Variants in TLN2 observed in about 807,000 individuals in gnomAD.
The protein encoded by TLN2 is talin 2.
TLN2 carries 118 observed loss-of-function variants against 294.7 expected under a neutral mutation model. The observed-to-expected ratio is 0.40, with a 90% CI of 0.34 to 0.47. The LOEUF (loss-of-function observed/expected upper bound fraction) is 0.47. Among genes scored for constraint, TLN2 ranks in the 20% least tolerant of loss-of-function variants. TLN2 has a pLI of 0.84. For synonymous variants in TLN2, 1,431 were observed against 1,304.5 expected, an observed-to-expected ratio of 1.10 and a Z score of -2.09; for missense variants, 3,083 against 3,282.2, an observed-to-expected ratio of 0.94 and a Z score of 1.48.
At chr15:62,694,286 T>G (rs1242787243) in intron 13 of TLN2, 30 bp from the exon 14 acceptor site, 2 of 1,612,800 alleles carry the variant, frequency 1.2e-6, no homozygotes. Flanking sequence ...CTGGTTTTCA[T>G]TTTTGCATCT....
chr15:62,575,809 T>G (rs2044342645), intron 1 of TLN2, among the ~76,000 whole-genome samples: 1 of 152,208 alleles, frequency 6.6e-6, no homozygotes, highest in Non-Finnish European at 1.5e-5. Flanking sequence ...GGAAAACCAG[T>G]GGAAAGCAAG....
At chr15:62,754,195 G>A (rs145657792) in intron 36 of TLN2, 8 of 302,144 alleles carry the variant, frequency 2.6e-5, no homozygotes, top group African/African-American at 1.5e-4. Flanking sequence ...TTCAGGGGAC[G>A]TGAATTGAGG....
chr15:62,836,474 T>G (rs1170988406), intron 57 of TLN2, among the ~76,000 whole-genome samples: 1 of 152,218 alleles, frequency 6.6e-6, no homozygotes, highest in African/African-American at 2.4e-5. Flanking sequence ...TGTGAGCAGG[T>G]TGTGAGCCTC....
chr15:62,742,018 TA>T (rs2061357225), intron 32 of TLN2, among the ~76,000 whole-genome samples: 3 of 98,814 alleles, frequency 3.0e-5, no homozygotes, highest in Non-Finnish European at 6.6e-5. Context: ...TCTTGGCTTG[TA>T]GTGGGGTGTG....
intron 11 of TLN2, among the ~76,000 whole-genome samples, chr15:62,676,613 C>G (rs1213025021): frequency 1.3e-5 from 2 of 152,086 alleles, no homozygotes; most frequent in African/African-American, 4.8e-5. Flanking sequence ...ACTACTACTA[C>G]TATCTTCTTT....
rs576913228 is a variant in TLN2, at chr15:62,627,644, G to C, written c.-37+9169G>C. Reference sequence around the variant, plus strand: ...AAGAGCAATACTACATGCAGGCTGAGGGTTTTTTCTCTTAGCCATACTAGA... The same window carrying C: ...AAGAGCAATACTACATGCAGGCTGACGGTTTTTTCTCTTAGCCATACTAGA... On this transcript the variant is annotated intron_variant, in intron 3 of 58. Coordinates refer to ENST00000636159, the MANE Select transcript of TLN2 (RefSeq NM_015059.3). Among the ~76,000 whole-genome samples the C allele has an allele frequency of 2.0e-5, 3 of 152,190 alleles. No individual in the cohort carries two copies. The East Asian group carries it at 5.8e-4, about 29-fold the overall frequency.
At chr15:62,689,068 C>CTCTTTT (rs1370271461) in intron 12 of TLN2, among the ~76,000 whole-genome samples, 1 of 116,638 alleles carries the variant, frequency 8.6e-6, no homozygotes, top group Non-Finnish European at 1.8e-5. Flanking sequence ...TTCTCTCTCT[C>CTCTTTT]TTTTTTTTTT....
chr15:62,739,613 AGACT>A lies in TLN2; in HGVS notation c.3885+75_3885+78del, dbSNP rs1448887829. The A allele has an allele frequency of 3.2e-6, 5 of 1,560,784 alleles. No individual in the cohort carries two copies. In the East Asian group the frequency reaches 1.1e-4, roughly 35 times the overall value. ...CTCTCGGATGGATAATCCATCCTTGAGACTGACTGAACAAATAGGAAAAGGAACC... is the reference window on the plus strand; with the variant it reads ...CTCTCGGATGGATAATCCATCCTTGAGACTGAACAAATAGGAAAAGGAACC... On this transcript the variant is annotated intron_variant, in intron 31 of 58. Coordinates refer to ENST00000636159, the MANE Select transcript of TLN2 (RefSeq NM_015059.3).
chr15:62,530,231 A>T lies in TLN2; in HGVS notation c.-237-59456A>T, dbSNP rs139126297. Among the ~76,000 whole-genome samples, 156 of 152,338 alleles carry T rather than the reference A, an allele frequency of 1.0e-3. 1 individual carries two copies. The highest frequency in any genetic ancestry group is 3.6e-3 in the African/African-American group (148 of 41,572). On this transcript the variant is annotated intron_variant, in intron 1 of 58. Transcript: ENST00000636159. ...ATTTTGTTATTCTTAATATTGATGA[A>T]CAAATAACATTTTGCATATTTGTGA...
chr15:62,658,578 G>A (rs1313887410), intron 9 of TLN2, among the ~76,000 whole-genome samples: 3 of 152,170 alleles, frequency 2.0e-5, no homozygotes, highest in African/African-American at 7.2e-5. Context: ...AGGTGACGCC[G>A]TGTCCTGCAG....
chr15:62,521,445 G>A (rs984254073), intron 1 of TLN2, among the ~76,000 whole-genome samples: 1 of 151,594 alleles, frequency 6.6e-6, no homozygotes, highest in Non-Finnish European at 1.5e-5. Context: ...AAGTGTGCCT[G>A]AGGCAGTGGA....
intron 2 of TLN2, among the ~76,000 whole-genome samples, chr15:62,596,740 CA>C (rs11345944): frequency 0.41 from 55,668 of 134,996 alleles, 10,523 homozygotes; most frequent in East Asian, 0.6. Flanking sequence ...GACTCTGTCT[CA>C]AAAAAAAAAA....
intron 16 of TLN2, 106 bp downstream of exon 16, chr15:62,698,973 A>T (rs1567389240): frequency 3.8e-6 from 4 of 1,047,198 alleles, no homozygotes; most frequent in Non-Finnish European, 5.6e-6. Context: ...TCTAGGTGAA[A>T]TGGAAACCCA....
chr15:62,658,036 G>C, intron 9 of TLN2, 138 bp downstream of exon 9: 1 of 847,996 alleles, frequency 1.2e-6, no homozygotes, highest in Non-Finnish European at 1.7e-6. Context: ...CTTCCATCGA[G>C]TAGATGACCA....
chr15:62,597,393 G>A (rs547309867), intron 2 of TLN2, among the ~76,000 whole-genome samples: 1 of 152,316 alleles, frequency 6.6e-6, no homozygotes, highest in South Asian at 2.1e-4. Flanking sequence ...CTCAGAGCCT[G>A]AAGTCCTCAC....
intron 39 of TLN2, chr15:62,763,332 C>A: frequency 4.8e-6 from 2 of 418,014 alleles, no homozygotes; most frequent in Non-Finnish European, 8.3e-6. Flanking sequence ...AGGTGGAGGG[C>A]AGGACCATAT....
intron 1 of TLN2, among the ~76,000 whole-genome samples, chr15:62,538,146 A>G (rs933979585): frequency 1.3e-5 from 2 of 152,128 alleles, no homozygotes; most frequent in Non-Finnish European, 2.9e-5. Context: ...GTTTGAACCC[A>G]GGAGGCAGAG....
chr15:62,625,933 A>C (rs1330230648), intron 3 of TLN2, among the ~76,000 whole-genome samples: 1 of 152,144 alleles, frequency 6.6e-6, no homozygotes, highest in Non-Finnish European at 1.5e-5. Context: ...GGGGATGTCT[A>C]GGCTGTAGGT....
At chr15:62,601,806 G>A (rs1322345785) in intron 2 of TLN2, among the ~76,000 whole-genome samples, 1 of 152,166 alleles carries the variant, frequency 6.6e-6, no homozygotes, top group Non-Finnish European at 1.5e-5. Context: ...GTCCAAAAGA[G>A]ATCACTGAGA....
Sources: allele counts gnomAD v4.1 joint callset (sites outside exome capture counted in the v4.1 genomes callset), GRCh38; gene constraint gnomAD v4.1.1; transcripts MANE v1.5; gene names NCBI Gene and HGNC (gene_info 2026-07-23, HGNC 2026-07-21).